The following EPB41L2 variants were observed in gnomAD, a reference collection of about 807,000 sequenced individuals.
EPB41L2 encodes band 4.1-like protein 2.
Under a neutral mutation model 113.0 loss-of-function variants are expected in EPB41L2, and 43 were observed. That is an observed-to-expected ratio of 0.38 (90% confidence interval 0.30 to 0.49). The LOEUF (loss-of-function observed/expected upper bound fraction) is 0.49. EPB41L2 is among the 20% of genes least tolerant of loss of function. The probability of loss-of-function intolerance (pLI) is 0.95; values close to 1 mark genes in which losing one functional copy is unlikely to be tolerated. For synonymous variants in EPB41L2, 442 were observed against 436.7 expected, an observed-to-expected ratio of 1.01 and a Z score of -0.15; for missense variants, 1,147 against 1,223.4, an observed-to-expected ratio of 0.94 and a Z score of 0.93.
chr6:130,863,273 A>G (rs1473756145), intron 18 of EPB41L2, among the ~76,000 whole-genome samples: 1 of 152,240 alleles, frequency 6.6e-6, no homozygotes, highest in African/African-American at 2.4e-5. Context: ...GCATAGGTCA[A>G]GCTTAGTGGC....
In EPB41L2 at chr6:130,956,335, G is replaced by A; in HGVS notation, c.151C>T (p.Pro51Ser). The change falls in exon 2 of 20, where the codon CCT becomes TCT. Residue 51 changes from proline to serine, a missense_variant. Physicochemically the swap from Pro to Ser is moderately conservative, Grantham distance 74. Coordinates refer to ENST00000337057, the MANE Select transcript of EPB41L2 (RefSeq NM_001431.4). ...AGACTACTTTGGCTTTCAGCTGCAG[G>A]AGGTGGCTGGGAACCTTTTTCCTCC... is the stretch of plus-strand genomic sequence containing the variant. Reference protein sequence around the residue: ...PEEEKGSQPPPAAESQSSLRR... With the variant: ...PEEEKGSQPPSAAESQSSLRR... 1 of 1,614,080 alleles carries A rather than the reference G, an allele frequency of 6.2e-7. No individual in the cohort carries two copies. Among genetic ancestry groups the A allele is most frequent in the African/African-American group, 1.3e-5 (1 of 75,018 alleles).
chr6:130,957,958 A>T (rs1287288885), intron 1 of EPB41L2, among the ~76,000 whole-genome samples: 1 of 152,216 alleles, frequency 6.6e-6, no homozygotes, highest in African/African-American at 2.4e-5. Context: ...GTGATATGTA[A>T]ATTTTCTCAA....
At position 130,890,451 on chromosome 6, in the gene EPB41L2, C is replaced by G. The variant is rs1583122916; in HGVS notation, c.1503G>C (p.Glu501Asp). 1.3e-6 allele frequency: 2 copies of G among 1,595,942 alleles called. No homozygotes were observed. The highest frequency in any genetic ancestry group is 1.7e-6 in the Non-Finnish European group (2 of 1,175,888). Residue 501 changes from glutamate (E) to aspartate (D), a missense_variant, in exon 11 of 20, where the codon GAG (glutamate) becomes GAC (aspartate). Glu to Asp is a conservative substitution (Grantham distance 45). Transcript: ENST00000337057. The part of the protein sequence containing the change: ...HHTFYRLVSP[E>D]QPPKAKFLTL... ...TCAGGAACTTGGCTTTTGGTGGCTG[C>G]TCTGGAGAAACAAGCCTATGGGAGG... is the stretch of plus-strand genomic sequence containing the variant.
At chr6:130,989,198 A>T (rs1315340701) in intron 1 of EPB41L2, among the ~76,000 whole-genome samples, 1 of 152,212 alleles carries the variant, frequency 6.6e-6, no homozygotes, top group Non-Finnish European at 1.5e-5. Flanking sequence ...TAAGTGCCAG[A>T]CAATTGTGGA....
At chr6:130,986,395 T>C (rs954103353) in intron 1 of EPB41L2, among the ~76,000 whole-genome samples, 1 of 151,756 alleles carries the variant, frequency 6.6e-6, no homozygotes, top group Non-Finnish European at 1.5e-5. Flanking sequence ...AAAATCACAT[T>C]CATATACCAC....
chr6:130,957,996 A>G (rs1487464344), intron 1 of EPB41L2, among the ~76,000 whole-genome samples: 5 of 152,256 alleles, frequency 3.3e-5, no homozygotes, highest in Non-Finnish European at 7.3e-5. Context: ...TGTTTTTCAC[A>G]TCTAATATGC....
intron 14 of EPB41L2, among the ~76,000 whole-genome samples, chr6:130,877,267 G>A (rs1250273632): frequency 6.6e-6 from 1 of 152,132 alleles, no homozygotes; most frequent in Admixed American, 6.5e-5. Flanking sequence ...GATGCTGAAA[G>A]GAAAAAGATG....
chr6:130,863,606 C>A (rs372423573), intron 18 of EPB41L2, 32 bp downstream of exon 18: 29 of 1,453,122 alleles, frequency 2.0e-5, no homozygotes, highest in Non-Finnish European at 2.5e-5. Context: ...ACAAACAGGG[C>A]CATTTCCAAA....
At chr6:130,920,426 C>A (rs1298482182) in intron 4 of EPB41L2, among the ~76,000 whole-genome samples, 1 of 152,144 alleles carries the variant, frequency 6.6e-6, no homozygotes, top group Non-Finnish European at 1.5e-5. Context: ...TATCATTCTC[C>A]CATCTGTTCT....
chr6:130,923,255 C>A (rs1803483724), intron 4 of EPB41L2, among the ~76,000 whole-genome samples: 4 of 152,184 alleles, frequency 2.6e-5, no homozygotes, highest in Non-Finnish European at 5.9e-5. Flanking sequence ...CAGCCCTACT[C>A]AAGTCCCCTC....
At chr6:130,842,219 T>G (rs1480400785) in intron 19 of EPB41L2, among the ~76,000 whole-genome samples, 4 of 152,214 alleles carry the variant, frequency 2.6e-5, no homozygotes, top group Admixed American at 6.5e-5. Flanking sequence ...TTAATCAACT[T>G]CATTGTTTTC....
intron 4 of EPB41L2, 65 bp downstream of exon 4, chr6:130,926,540 T>G: frequency 8.5e-7 from 1 of 1,180,252 alleles, no homozygotes; most frequent in South Asian, 1.4e-5. Flanking sequence ...TAAACTGAGA[T>G]AAACTGGTTA....
intron 10 of EPB41L2, among the ~76,000 whole-genome samples, chr6:130,893,807 G>A (rs1793722898): frequency 6.6e-6 from 1 of 152,198 alleles, no homozygotes; most frequent in Non-Finnish European, 1.5e-5. Flanking sequence ...TCCTGACAAA[G>A]CAGTCAGACC....
rs1816373036 is a variant in EPB41L2 at position 130,954,040 on chromosome 6, C to CTTTCTTTTTTTT, written c.705+1064_705+1065insAAAAAAAAGAAA. Among the ~76,000 whole-genome samples, 113 of 58,854 alleles carry CTTTCTTTTTTTT rather than the reference C, an allele frequency of 1.9e-3. 9 individuals carry two copies. Among genetic ancestry groups the CTTTCTTTTTTTT allele is most frequent in the African/African-American group, 2.2e-3 (41 of 18,612 alleles). 38.6% of individuals were successfully genotyped at this position (58,854 alleles called of 152,430 possible). A position where few individuals can be genotyped will look rare whatever the true frequency, so the allele number is the denominator to read the frequency against. ...TCCTCTTTTGCTAGTCCTTTTCTTTCTTTTTTTTTTTTTTTTTTTTTTTTT... is the reference window on the plus strand; with the variant it reads ...TCCTCTTTTGCTAGTCCTTTTCTTTCTTTCTTTTTTTTTTTTTTTTTTTTTTTTTTTTTTTTT... On this transcript the variant is annotated intron_variant, in intron 3 of 19. Coordinates refer to ENST00000337057, the MANE Select transcript of EPB41L2 (RefSeq NM_001431.4).
chr6:131,047,067 G>A (rs1795613135), intron 1 of EPB41L2, among the ~76,000 whole-genome samples: 1 of 152,170 alleles, frequency 6.6e-6, no homozygotes, highest in African/African-American at 2.4e-5. Flanking sequence ...GAGTGACCCT[G>A]AGCAAGTTAC....
chr6:130,993,640 G>A (rs561051069), intron 1 of EPB41L2, among the ~76,000 whole-genome samples: 8 of 152,206 alleles, frequency 5.3e-5, no homozygotes, highest in East Asian at 1.9e-4. Flanking sequence ...TGTGTCTTCC[G>A]GCCAGCTCTC....
intron 3 of EPB41L2, among the ~76,000 whole-genome samples, chr6:130,934,536 A>G (rs1361953244): frequency 1.3e-5 from 2 of 152,162 alleles, no homozygotes; most frequent in Non-Finnish European, 1.5e-5. Context: ...GAAGTGGCAC[A>G]ATCCTGGCTC....
chr6:130,862,852 T>C (rs1267341177), intron 18 of EPB41L2, among the ~76,000 whole-genome samples: 2 of 152,236 alleles, frequency 1.3e-5, no homozygotes, highest in African/African-American at 4.8e-5. Context: ...GCTGTGTAAC[T>C]ATCGTTAGCT....
rs556535723 is a variant in EPB41L2, at chr6:130,927,905, C to A, written c.706-1196G>T. Reference sequence around the variant, plus strand: ...CTCAGGAGTTCAAGATCAGCCTGGGCAACATGGTGAAACCTCATCTCTACA... The same window carrying A: ...CTCAGGAGTTCAAGATCAGCCTGGGAAACATGGTGAAACCTCATCTCTACA... On this transcript the variant is annotated intron_variant, in intron 3 of 19. Transcript: ENST00000337057. 6.6e-5 allele frequency among the ~76,000 whole-genome samples: 10 copies of A among 152,114 alleles called. No homozygotes were observed. In the South Asian group the frequency reaches 1.9e-3, roughly 28 times the overall value.
Sources: allele counts gnomAD v4.1 joint callset (sites outside exome capture counted in the v4.1 genomes callset), GRCh38; gene constraint gnomAD v4.1.1; transcripts MANE v1.5; gene names NCBI Gene and HGNC (gene_info 2026-07-23, HGNC 2026-07-21).